Variants in PTPRG observed in about 807,000 individuals in gnomAD.
PTPRG encodes receptor-type tyrosine-protein phosphatase gamma.
PTPRG carries 102 observed loss-of-function variants against 165.3 expected under a neutral mutation model. The ratio of observed to expected loss-of-function variants is 0.62; its 90% CI spans 0.53 to 0.73. The LOEUF (loss-of-function observed/expected upper bound fraction) is 0.73. Among genes scored for constraint, PTPRG ranks in the 30% least tolerant of loss-of-function variants. The probability of loss-of-function intolerance (pLI) is 0.00; values close to 1 mark genes in which losing one functional copy is unlikely to be tolerated. For synonymous variants in PTPRG, 675 were observed against 669.5 expected, an observed-to-expected ratio of 1.01 and a Z score of -0.13; for missense variants, 1,866 against 1,861.4, an observed-to-expected ratio of 1.00 and a Z score of -0.05.
At chr3:62,283,321 A>G (rs1208125055) in intron 28 of PTPRG, among the ~76,000 whole-genome samples, 1 of 152,160 alleles carries the variant, frequency 6.6e-6, no homozygotes, top group Non-Finnish European at 1.5e-5. Context: ...GATAATATTT[A>G]AAGTTCATGA....
intron 3 of PTPRG, among the ~76,000 whole-genome samples, chr3:62,001,285 A>C (rs1320095310): frequency 6.6e-6 from 1 of 152,224 alleles, no homozygotes; most frequent in Non-Finnish European, 1.5e-5. Flanking sequence ...TTCAGATTGT[A>C]CAGTTCCCTA....
intron 4 of PTPRG, among the ~76,000 whole-genome samples, chr3:62,013,003 T>C (rs1177548762): frequency 6.6e-6 from 1 of 152,168 alleles, no homozygotes. Context: ...CCATACATTG[T>C]CACTTTAAAT....
chr3:61,883,763 TGCAGTG>T (rs2037953671), intron 2 of PTPRG, among the ~76,000 whole-genome samples: 1 of 152,172 alleles, frequency 6.6e-6, no homozygotes. Flanking sequence ...AGGCTGGTAG[TGCAGTG>T]GCACAATCAC....
chr3:61,584,911 A>G (rs1461051652), intron 1 of PTPRG, among the ~76,000 whole-genome samples: 1 of 152,188 alleles, frequency 6.6e-6, no homozygotes, highest in Non-Finnish European at 1.5e-5. Context: ...TTTGAATGGG[A>G]TGTCATTCTA....
intron 2 of PTPRG, among the ~76,000 whole-genome samples, chr3:61,980,112 A>G (rs1369468519): frequency 2.6e-5 from 4 of 152,160 alleles, no homozygotes; most frequent in Non-Finnish European, 5.9e-5. Context: ...GGAGCATGAT[A>G]CTGAGTAATG....
chr3:61,620,117 T>C (rs4419372), intron 1 of PTPRG, among the ~76,000 whole-genome samples: 42,135 of 151,946 alleles, frequency 0.28, 6,816 homozygotes, highest in African/African-American at 0.46. Context: ...CTTTCTTGAA[T>C]GATGGCACTT....
intron 28 of PTPRG, among the ~76,000 whole-genome samples, chr3:62,291,203 A>T (rs1203728866): frequency 1.3e-5 from 2 of 152,170 alleles, no homozygotes; most frequent in African/African-American, 4.8e-5. Context: ...AGATTGGCAA[A>T]AGTGTTTCAA....
chr3:62,189,246 A>T (rs1699744167), intron 8 of PTPRG, among the ~76,000 whole-genome samples: 1 of 151,942 alleles, frequency 6.6e-6, no homozygotes, highest in South Asian at 2.1e-4. Flanking sequence ...TACCAACTGA[A>T]CTGGGGTTTG....
intron 1 of PTPRG, among the ~76,000 whole-genome samples, chr3:61,635,266 G>T (rs1188035833): frequency 6.6e-6 from 1 of 151,382 alleles, no homozygotes; most frequent in Non-Finnish European, 1.5e-5. Context: ...TTGTTCCAAT[G>T]AAATGCTATG....
intron 2 of PTPRG, among the ~76,000 whole-genome samples, chr3:61,917,949 A>C (rs2038983332): frequency 6.6e-6 from 1 of 151,670 alleles, no homozygotes; most frequent in African/African-American, 2.4e-5. Flanking sequence ...ATAAACAAAT[A>C]AATAAATAAA....
intron 2 of PTPRG, among the ~76,000 whole-genome samples, chr3:61,976,877 G>T (rs1317932118): frequency 2.0e-5 from 3 of 152,036 alleles, no homozygotes; most frequent in Non-Finnish European, 4.4e-5. Flanking sequence ...GTTTCAACCT[G>T]TTGGCCAGCC....
chr3:62,128,451 T>C (rs9855608), intron 5 of PTPRG, among the ~76,000 whole-genome samples: 3,630 of 152,182 alleles, frequency 0.024, 159 homozygotes, highest in African/African-American at 0.083. Context: ...CAGGGAGATA[T>C]TACTTTCAGA....
intron 8 of PTPRG, among the ~76,000 whole-genome samples, chr3:62,187,026 C>A (rs186412267): frequency 5.1e-4 from 78 of 152,360 alleles, no homozygotes; most frequent in Admixed American, 3.1e-3. Flanking sequence ...CCATATACAA[C>A]CAACTTTCTG....
chr3:62,193,273 A>T (rs561074936), intron 9 of PTPRG, among the ~76,000 whole-genome samples: 79 of 152,296 alleles, frequency 5.2e-4, no homozygotes, highest in Non-Finnish European at 6.2e-4. Flanking sequence ...AATTCTAATA[A>T]ATCCCTGCAT....
At chr3:62,221,301 CAG>C (rs1700645527) in intron 13 of PTPRG, among the ~76,000 whole-genome samples, 1 of 152,158 alleles carries the variant, frequency 6.6e-6, no homozygotes, top group Admixed American at 6.5e-5. Flanking sequence ...CTTCATCCAA[CAG>C]AGTCTGGACT....
intron 1 of PTPRG, among the ~76,000 whole-genome samples, chr3:61,628,874 C>T (rs1207761344): frequency 5.3e-5 from 8 of 152,198 alleles, no homozygotes; most frequent in African/African-American, 1.9e-4. Flanking sequence ...GTAACTTGAT[C>T]ACAGTCTCTC....
rs568752438 is a variant in PTPRG, at chr3:62,292,513, C to T, written c.4148C>T (p.Ala1383Val). 1.4e-4 allele frequency: 223 copies of T among 1,613,296 alleles called. No homozygotes were observed. Among genetic ancestry groups the T allele is most frequent in the Non-Finnish European group, 1.8e-4 (212 of 1,179,624 alleles). The change falls in exon 29 of 30, where the codon GCA (alanine) becomes GTA (valine). Residue 1383 changes from alanine to valine, a missense_variant. Ala to Val is a moderately conservative substitution (Grantham distance 64). This residue lies in a region of PTPRG where 1,452 missense variants were observed against 1,463.0 expected (regional missense o/e 0.99). Transcript: ENST00000474889. Reference protein sequence around the residue: ...NENAVDVFQVAKMINLMRPGV... With the variant: ...NENAVDVFQVVKMINLMRPGV... The stretch of plus-strand genomic sequence containing the variant: ...AATGCTGTGGATGTTTTCCAGGTTG[C>T]AAAAATGATCAATCTTATGAGGCCT...
At chr3:62,124,377 T>A in intron 5 of PTPRG, 1 of 1,612,816 alleles carries the variant, frequency 6.2e-7, no homozygotes, top group Non-Finnish European at 8.5e-7. Context: ...AAGTCCAGGG[T>A]GATCTGCAGG....
intron 5 of PTPRG, among the ~76,000 whole-genome samples, chr3:62,106,134 T>A (rs1207222752): frequency 6.6e-6 from 1 of 152,234 alleles, no homozygotes; most frequent in African/African-American, 2.4e-5. Context: ...AACTTTTATC[T>A]ATAGCAAAAC....
Sources: allele counts gnomAD v4.1 joint callset (sites outside exome capture counted in the v4.1 genomes callset), GRCh38; gene constraint gnomAD v4.1.1; regional missense constraint gnomAD v4.1.1; transcripts MANE v1.5; gene names NCBI Gene and HGNC (gene_info 2026-07-23, HGNC 2026-07-21).